The following SCHIP1 variants were observed in gnomAD, a reference collection of about 807,000 sequenced individuals.
SCHIP1 encodes the protein schwannomin-interacting protein 1.
In SCHIP1, 8 loss-of-function variants were observed where a neutral mutation model predicts 29.7. That is an observed-to-expected ratio of 0.27 (90% confidence interval 0.16 to 0.49). The LOEUF is 0.49. Among genes scored for constraint, SCHIP1 ranks in the 20% least tolerant of loss-of-function variants. The pLI is 0.99. For missense variants in SCHIP1, 193 were observed against 294.6 expected, an observed-to-expected ratio of 0.66 and a Z score of 2.52; for synonymous variants, 76 against 94.9, an observed-to-expected ratio of 0.80 and a Z score of 1.16.
the SCHIP1 span, among the ~76,000 whole-genome samples, chr3:159,496,412 A>C: frequency 6.6e-6 from 1 of 152,112 alleles, no homozygotes; most frequent in African/African-American, 2.4e-5. Flanking sequence ...TTACAAGAAA[A>C]AAACAAACAA....
chr3:159,544,058 C>T, the SCHIP1 span, among the ~76,000 whole-genome samples: 20 of 152,146 alleles, frequency 1.3e-4, no homozygotes, highest in African/African-American at 4.6e-4. Flanking sequence ...GGTCACTTCC[C>T]AGTCATTATC....
the SCHIP1 span, chr3:159,764,264 G>T: frequency 3.3e-6 from 2 of 609,506 alleles, no homozygotes; most frequent in Non-Finnish European, 5.3e-6. This position sits in a 1 kb window ranked among gnomAD's most constrained non-coding sequence, Gnocchi z 6.1. Context: ...CGAGAGGAAA[G>T]GCGGGCAGGA....
At chr3:159,458,999 C>G in the SCHIP1 span, among the ~76,000 whole-genome samples, 1 of 152,092 alleles carries the variant, frequency 6.6e-6, no homozygotes, top group Non-Finnish European at 1.5e-5. Context: ...TATGCTATTT[C>G]TGTAAGTATA....
the SCHIP1 span, among the ~76,000 whole-genome samples, chr3:159,714,890 G>A: frequency 6.6e-6 from 1 of 152,220 alleles, no homozygotes; most frequent in Non-Finnish European, 1.5e-5. Flanking sequence ...GCTTTGAAGA[G>A]AGTAGTGGTT....
At chr3:159,571,491 T>C in the SCHIP1 span, among the ~76,000 whole-genome samples, 6 of 152,350 alleles carry the variant, frequency 3.9e-5, no homozygotes, top group East Asian at 1.2e-3. Context: ...CACTTGATTA[T>C]GGTGGATAAG....
At chr3:159,487,412 G>C in the SCHIP1 span, among the ~76,000 whole-genome samples, 1 of 151,916 alleles carries the variant, frequency 6.6e-6, no homozygotes, top group Non-Finnish European at 1.5e-5. Context: ...TCCCCACATT[G>C]GTCTGGACCC....
At chr3:159,680,670 TTA>T in the SCHIP1 span, among the ~76,000 whole-genome samples, 51 of 8,182 alleles carry the variant, frequency 6.2e-3, 1 homozygote, top group East Asian at 0.021. Flanking sequence ...AAAATATATA[TTA>T]TATATATAAT....
the SCHIP1 span, among the ~76,000 whole-genome samples, chr3:159,778,282 C>T: frequency 6.6e-6 from 1 of 152,120 alleles, no homozygotes. Context: ...CGTGAGCCAC[C>T]GCGCCCGGCT....
chr3:159,531,218 G>A, the SCHIP1 span, among the ~76,000 whole-genome samples: 2 of 152,156 alleles, frequency 1.3e-5, no homozygotes, highest in Admixed American at 6.5e-5. Flanking sequence ...AAAATACAGT[G>A]TGCAGACATA....
chr3:159,717,165 G>A, the SCHIP1 span, among the ~76,000 whole-genome samples: 5 of 152,144 alleles, frequency 3.3e-5, no homozygotes, highest in Non-Finnish European at 1.5e-5. Flanking sequence ...CAGAAATAAA[G>A]ATGTTCTTTG....
the SCHIP1 span, among the ~76,000 whole-genome samples, chr3:159,372,147 T>C: frequency 6.6e-6 from 1 of 152,136 alleles, no homozygotes. Flanking sequence ...TTTAAATCTG[T>C]TTTTCAGTAA....
chr3:159,424,891 A>C, the SCHIP1 span, among the ~76,000 whole-genome samples: 1 of 145,138 alleles, frequency 6.9e-6, no homozygotes, highest in Non-Finnish European at 1.5e-5. Flanking sequence ...AATATTCAAC[A>C]TTTTTAAAGA....
chr3:159,850,868 C>G (rs1712532915), intron 1 of SCHIP1, among the ~76,000 whole-genome samples: 1 of 152,200 alleles, frequency 6.6e-6, no homozygotes, highest in African/African-American at 2.4e-5. Flanking sequence ...ACACCAGGCC[C>G]TACCTCCAAC....
chr3:159,896,628 C>G (rs1718094290), intron 6 of SCHIP1, 95 bp from the exon 8 acceptor site: 2 of 1,275,386 alleles, frequency 1.6e-6, no homozygotes, highest in Non-Finnish European at 2.1e-6. Context: ...GTCAGTAACT[C>G]TGAACTTCAG....
chr3:159,820,573 G>A, the SCHIP1 span, among the ~76,000 whole-genome samples: 2 of 152,158 alleles, frequency 1.3e-5, no homozygotes, highest in Non-Finnish European at 2.9e-5. Flanking sequence ...TAGTTTATAG[G>A]AGTGGGAAGT....
the SCHIP1 span, among the ~76,000 whole-genome samples, chr3:159,692,984 A>T: frequency 6.6e-6 from 1 of 152,196 alleles, no homozygotes; most frequent in Non-Finnish European, 1.5e-5. Flanking sequence ...TTTACTATGC[A>T]CTTCTCACAG....
the SCHIP1 span, chr3:159,721,866 C>T: frequency 2.5e-6 from 1 of 406,798 alleles, no homozygotes; most frequent in South Asian, 2.0e-5. Flanking sequence ...CTTGGGGATG[C>T]CACTCAGCAT....
chr3:159,741,918 G>A, the SCHIP1 span, among the ~76,000 whole-genome samples: 2 of 152,184 alleles, frequency 1.3e-5, no homozygotes, highest in African/African-American at 4.8e-5. Flanking sequence ...AGGGATTCCA[G>A]CCTCAGAAAA....
chr3:159,325,389 T>A, the SCHIP1 span, among the ~76,000 whole-genome samples: 3 of 152,138 alleles, frequency 2.0e-5, no homozygotes, highest in Non-Finnish European at 4.4e-5. Flanking sequence ...CACCACAATC[T>A]TTGATATTTG....
Sources: allele counts gnomAD v4.1 joint callset (sites outside exome capture counted in the v4.1 genomes callset), GRCh38; gene constraint gnomAD v4.1.1; non-coding constraint Gnocchi (gnomAD v3.1); transcripts MANE v1.5; gene names NCBI Gene and HGNC (gene_info 2026-07-23, HGNC 2026-07-21).